The following HECW1 variants were observed in gnomAD, a reference collection of about 807,000 sequenced individuals.
HECW1 encodes HECT, C2 and WW domain containing E3 ubiquitin protein ligase 1.
Under a neutral mutation model 182.3 loss-of-function variants are expected in HECW1, and 61 were observed. The observed-to-expected ratio is 0.33, with a 90% CI of 0.27 to 0.41. The LOEUF (loss-of-function observed/expected upper bound fraction) is 0.41, where lower values mean the gene tolerates loss of function less well. HECW1 is among the 10% of genes least tolerant of loss of function. The pLI, the probability that HECW1 is intolerant of heterozygous loss-of-function variation, is 1.00. For synonymous variants in HECW1, 859 were observed against 832.6 expected (o/e 1.03, Z -0.55); for missense variants, 1,739 against 2,108.9 (o/e 0.82, Z 3.44).
chr7:43,350,162 G>C (rs970259127), intron 5 of HECW1, among the ~76,000 whole-genome samples: 2 of 152,120 alleles, frequency 1.3e-5, no homozygotes, highest in African/African-American at 4.8e-5. Context: ...GCTGATAATT[G>C]TTTTGTTTGA....
At chr7:43,411,977 A>G (rs573831866) in intron 8 of HECW1, among the ~76,000 whole-genome samples, 122 of 152,084 alleles carry the variant, frequency 8.0e-4, no homozygotes, top group African/African-American at 2.8e-3. Flanking sequence ...TAGGCCTACT[A>G]TTTTATTATT....
intron 5 of HECW1, among the ~76,000 whole-genome samples, chr7:43,350,352 C>A (rs10951727): frequency 0.1 from 15,968 of 152,122 alleles, 1,026 homozygotes; most frequent in Middle Eastern, 0.29. Context: ...AGGGGAAGAT[C>A]TTTTTGTGGT....
intron 8 of HECW1, among the ~76,000 whole-genome samples, chr7:43,420,100 G>A (rs898118640): frequency 6.6e-6 from 1 of 152,224 alleles, no homozygotes; most frequent in African/African-American, 2.4e-5. Flanking sequence ...ACCAATATAA[G>A]CATGCCAGGG....
intron 3 of HECW1, among the ~76,000 whole-genome samples, chr7:43,278,699 G>A (rs1307428841): frequency 1.3e-5 from 2 of 152,034 alleles, no homozygotes; most frequent in African/African-American, 4.8e-5. Context: ...AGGGTGTCAG[G>A]CTTGGTCTCC....
chr7:43,320,459 G>T (rs768270733), intron 4 of HECW1, among the ~76,000 whole-genome samples, 176 bp from the exon 5 acceptor site: 5 of 152,204 alleles, frequency 3.3e-5, no homozygotes, highest in Non-Finnish European at 7.3e-5. Flanking sequence ...CATAAAAAGC[G>T]TTTGGTCCCA....
intron 2 of HECW1, among the ~76,000 whole-genome samples, chr7:43,213,782 A>G (rs1796211421): frequency 6.6e-6 from 1 of 152,134 alleles, no homozygotes; most frequent in Admixed American, 6.5e-5. Context: ...ATCTTTATAC[A>G]TATTTTTATC....
intron 2 of HECW1, among the ~76,000 whole-genome samples, chr7:43,154,120 T>C (rs1338792093): frequency 6.6e-6 from 1 of 152,246 alleles, no homozygotes; most frequent in African/African-American, 2.4e-5. Flanking sequence ...TGGTATTGAT[T>C]TCCTCTATGG....
chr7:43,116,424 T>C (rs1785054587), intron 2 of HECW1, among the ~76,000 whole-genome samples: 1 of 152,212 alleles, frequency 6.6e-6, no homozygotes, highest in Middle Eastern at 3.2e-3. Flanking sequence ...CAGAGCTTGC[T>C]AGGATGATGG....
rs1023903395 is a variant in HECW1, at chr7:43,112,655, C to G, written c.-549C>G. The G allele has an allele frequency of 2.2e-5, 5 of 228,218 alleles. No homozygotes were observed. The highest frequency in any genetic ancestry group is 4.4e-5 in the Non-Finnish European group (5 of 114,752). 14.1% of individuals were successfully genotyped at this position (228,218 alleles called of 1,614,324 possible). On this transcript the variant is annotated 5_prime_UTR_variant, in exon 1 of 30. Coordinates refer to ENST00000395891, the MANE Select transcript of HECW1 (RefSeq NM_015052.5). ...GTGTGCTGCGTTACCGCGCATCAGG[C>G]GCTGTTGTTGGAGCCGGAACACCGT...
At chr7:43,295,683 C>T (rs922244740) in intron 3 of HECW1, among the ~76,000 whole-genome samples, 7 of 152,140 alleles carry the variant, frequency 4.6e-5, no homozygotes, top group African/African-American at 1.4e-4. Context: ...GCATGACCTA[C>T]GTATTTTCCA....
intron 2 of HECW1, among the ~76,000 whole-genome samples, chr7:43,117,056 T>C (rs2152594895): frequency 6.6e-6 from 1 of 152,358 alleles, no homozygotes; most frequent in African/African-American, 2.4e-5. Flanking sequence ...CTTTATACAT[T>C]TCTATAATCC....
chr7:43,399,260 AG>A (rs1241109455), intron 7 of HECW1, among the ~76,000 whole-genome samples: 2 of 152,222 alleles, frequency 1.3e-5, no homozygotes, highest in African/African-American at 4.8e-5. Context: ...GCCTGTTCCC[AG>A]GAATGAACAA....
intron 5 of HECW1, among the ~76,000 whole-genome samples, chr7:43,356,963 C>T (rs2152809617): frequency 6.6e-6 from 1 of 152,128 alleles, no homozygotes; most frequent in East Asian, 1.9e-4. Context: ...AGAAGACAGA[C>T]AAATGGCCAA....
At chr7:43,325,610 C>T (rs1810656338) in intron 5 of HECW1, among the ~76,000 whole-genome samples, 2 of 152,162 alleles carry the variant, frequency 1.3e-5, no homozygotes, top group Non-Finnish European at 2.9e-5. Context: ...CTGCCCTTCT[C>T]CCCCGCCCTT....
intron 24 of HECW1, among the ~76,000 whole-genome samples, chr7:43,521,495 T>C (rs1374965129): frequency 6.6e-6 from 1 of 152,242 alleles, no homozygotes; most frequent in Admixed American, 6.5e-5. Context: ...TTTTCAGCCT[T>C]GGAATACGTC....
At chr7:43,389,485 A>G (rs1042675859) in intron 6 of HECW1, among the ~76,000 whole-genome samples, 7 of 152,254 alleles carry the variant, frequency 4.6e-5, no homozygotes, top group African/African-American at 1.7e-4. Flanking sequence ...AGTCTGCACT[A>G]CACAAGAAGC....
chr7:43,469,024 G>C lies in HECW1; in HGVS notation c.3018G>C (p.Leu1006Phe). ...AACGCTACCAGCACAACCGGGACTT[G>C]GTGAATTTCATCAACATGTTCGCAG... is the stretch of plus-strand genomic sequence containing the variant. Reference protein sequence around the residue: ...NFERYQHNRDLVNFINMFADT... With the variant: ...NFERYQHNRDFVNFINMFADT... Residue 1006 changes from leucine (L) to phenylalanine (F), a missense_variant, in exon 16 of 30, where the codon TTG (leucine) becomes TTC (phenylalanine). Leu to Phe is a conservative substitution (Grantham distance 22). Around this residue, in one of 5 missense-constraint regions of HECW1, gnomAD observed 971 missense variants for 1,029.1 expected, o/e 0.94. Transcript: ENST00000395891. The C allele has an allele frequency of 6.2e-7, 1 of 1,614,204 alleles. No homozygotes were observed. The highest frequency in any genetic ancestry group is 8.5e-7 in the Non-Finnish European group (1 of 1,180,044).
intron 3 of HECW1, among the ~76,000 whole-genome samples, chr7:43,296,776 C>T (rs1199451624): frequency 1.3e-5 from 2 of 152,206 alleles, no homozygotes; most frequent in Admixed American, 6.5e-5. Flanking sequence ...GAGGGCCAGC[C>T]GTTCAGGGTG....
chr7:43,232,080 T>C (rs1262288210), intron 2 of HECW1, among the ~76,000 whole-genome samples: 2 of 146,328 alleles, frequency 1.4e-5, no homozygotes, highest in East Asian at 4.0e-4. Flanking sequence ...GAGTTGACAG[T>C]AATTGGAGAA....
Sources: gnomAD v4.1 joint callset for allele counts (sites outside exome capture counted in the v4.1 genomes callset) on GRCh38, gnomAD v4.1.1 for gene constraint, gnomAD v4.1.1 regional missense constraint, MANE v1.5 for transcripts, NCBI Gene and HGNC (gene_info 2026-07-23, HGNC 2026-07-21) for gene names.